Variants in AGMO observed in about 807,000 individuals in gnomAD.
The protein encoded by AGMO is glyceryl-ether monooxygenase.
Under a neutral mutation model 60.2 loss-of-function variants are expected in AGMO, and 75 were observed. That is an observed-to-expected ratio of 1.25 (90% CI 1.03 to 1.51). The LOEUF is 1.51. Among genes scored for constraint, AGMO ranks in the 40% most tolerant of loss-of-function variants. The probability of loss-of-function intolerance (pLI) is 0.00; values close to 1 mark genes in which losing one functional copy is unlikely to be tolerated. For missense variants in AGMO, 763 were observed against 525.5 expected (o/e 1.45, Z -4.42); for synonymous variants, 261 against 177.1 (o/e 1.47, Z -3.76).
At chr7:15,316,354 G>T (rs1439300897) in intron 12 of AGMO, among the ~76,000 whole-genome samples, 1 of 152,130 alleles carries the variant, frequency 6.6e-6, no homozygotes, top group Non-Finnish European at 1.5e-5. Flanking sequence ...TGCCACAGTA[G>T]AGGAACTCCA....
chr7:15,544,390 A>G (rs892360867), intron 3 of AGMO, among the ~76,000 whole-genome samples: 1 of 152,100 alleles, frequency 6.6e-6, no homozygotes, highest in Non-Finnish European at 1.5e-5. Context: ...AACACAAACA[A>G]AAAAACCTTT....
At position 15,546,057 on chromosome 7, in the gene AGMO, A is replaced by T. The variant is rs564543865; in HGVS notation, c.258-1134T>A. Reference sequence around the variant, plus strand: ...TTACAGTATTTCCCTTCACAGAGTCAGTTTCTGTGAATTAGCATTTTACTG... The same window carrying T: ...TTACAGTATTTCCCTTCACAGAGTCTGTTTCTGTGAATTAGCATTTTACTG... On this transcript the variant is annotated intron_variant, in intron 2 of 12. Transcript: ENST00000342526. Among the ~76,000 whole-genome samples, 4 of 152,218 alleles carry T rather than the reference A, an allele frequency of 2.6e-5. No individual in the cohort carries two copies. The South Asian group carries it at 8.3e-4, about 32-fold the overall frequency.
intron 12 of AGMO, among the ~76,000 whole-genome samples, chr7:15,209,778 TGAGA>T (rs1020583606): frequency 1.4e-3 from 212 of 152,310 alleles, no homozygotes; most frequent in African/African-American, 4.9e-3. Context: ...GCTGCTTTCC[TGAGA>T]GACACCTCAG....
intron 12 of AGMO, among the ~76,000 whole-genome samples, chr7:15,357,591 C>G (rs942930336): frequency 2.0e-5 from 3 of 152,192 alleles, no homozygotes; most frequent in African/African-American, 7.2e-5. Flanking sequence ...TATATAGAGT[C>G]TCTGAGCCTA....
intron 12 of AGMO, among the ~76,000 whole-genome samples, chr7:15,265,970 A>G (rs1285904435): frequency 6.6e-6 from 1 of 152,104 alleles, no homozygotes; most frequent in Non-Finnish European, 1.5e-5. Flanking sequence ...ATACATTCTG[A>G]TGTATGCTAC....
the AGMO span, among the ~76,000 whole-genome samples, chr7:15,165,038 T>C: frequency 3.3e-5 from 5 of 152,144 alleles, no homozygotes; most frequent in Non-Finnish European, 7.3e-5. Context: ...GCATACACTA[T>C]GGAATACTAC....
At chr7:15,146,550 T>C in the AGMO span, among the ~76,000 whole-genome samples, 1 of 152,114 alleles carries the variant, frequency 6.6e-6, no homozygotes, top group African/African-American at 2.4e-5. Context: ...CAAAGTACTC[T>C]TTGTTAAAAT....
chr7:15,204,149 G>A (rs564197949), intron 12 of AGMO, among the ~76,000 whole-genome samples: 4 of 152,084 alleles, frequency 2.6e-5, no homozygotes, highest in African/African-American at 9.6e-5. Flanking sequence ...TAGAATATAT[G>A]TGTTTATATA....
the AGMO span, among the ~76,000 whole-genome samples, chr7:15,119,346 A>AT: frequency 9.2e-5 from 14 of 152,008 alleles, no homozygotes; most frequent in Non-Finnish European, 1.9e-4. Context: ...TGAGCCAATT[A>AT]AACCTCTTTT....
intron 3 of AGMO, among the ~76,000 whole-genome samples, chr7:15,445,250 T>C (rs1212292058): frequency 6.6e-6 from 1 of 152,118 alleles, no homozygotes; most frequent in Non-Finnish European, 1.5e-5. Context: ...AGGTCAATAA[T>C]AATGTGTAAG....
At chr7:15,204,955 G>T (rs1583290088) in intron 12 of AGMO, among the ~76,000 whole-genome samples, 1 of 152,182 alleles carries the variant, frequency 6.6e-6, no homozygotes, top group African/African-American at 2.4e-5. Flanking sequence ...AGCCTCCCTA[G>T]TTGGGCCTAT....
intron 12 of AGMO, among the ~76,000 whole-genome samples, chr7:15,336,535 G>A (rs1278414749): frequency 1.3e-5 from 2 of 152,060 alleles, no homozygotes; most frequent in Non-Finnish European, 2.9e-5. Flanking sequence ...TTGAATAGAA[G>A]ATATTTTACA....
chr7:15,338,140 T>C (rs866539410), intron 12 of AGMO, among the ~76,000 whole-genome samples: 2 of 152,216 alleles, frequency 1.3e-5, no homozygotes, highest in African/African-American at 4.8e-5. Context: ...ATGTTTTCTC[T>C]GTGTAATATT....
At chr7:15,548,889 G>A (rs1302939079) in intron 2 of AGMO, among the ~76,000 whole-genome samples, 2 of 151,656 alleles carry the variant, frequency 1.3e-5, no homozygotes, top group African/African-American at 4.9e-5. Flanking sequence ...TTGAAATGAA[G>A]GAAAAAATGT....
chr7:15,216,498 T>C (rs1781741639), intron 12 of AGMO, among the ~76,000 whole-genome samples: 1 of 152,118 alleles, frequency 6.6e-6, no homozygotes, highest in Non-Finnish European at 1.5e-5. Context: ...TATTAAACTT[T>C]CACGGTCAAA....
At chr7:15,211,693 T>A (rs1201228749) in intron 12 of AGMO, among the ~76,000 whole-genome samples, 1 of 152,062 alleles carries the variant, frequency 6.6e-6, no homozygotes, top group East Asian at 1.9e-4. Flanking sequence ...ATTACCAAAC[T>A]ACTGTTTTGT....
chr7:15,322,527 AATATATAAATAT>A (rs1563086166), intron 12 of AGMO, among the ~76,000 whole-genome samples: 7 of 54,922 alleles, frequency 1.3e-4, no homozygotes, highest in African/African-American at 3.3e-4. Context: ...AATATATATA[AATATATAAATAT>A]ATATATAAAT....
At chr7:15,353,555 G>C (rs898682754) in intron 12 of AGMO, among the ~76,000 whole-genome samples, 6 of 151,800 alleles carry the variant, frequency 4.0e-5, no homozygotes, top group African/African-American at 1.5e-4. Context: ...TCAACTAAAA[G>C]AAAAAAGAAA....
chr7:15,352,519 G>A (rs889254944), intron 12 of AGMO, among the ~76,000 whole-genome samples: 1 of 151,520 alleles, frequency 6.6e-6, no homozygotes, highest in Non-Finnish European at 1.5e-5. Flanking sequence ...GGAACTGGGC[G>A]TTTGGGTGTT....
Sources: allele counts gnomAD v4.1 joint callset (sites outside exome capture counted in the v4.1 genomes callset), GRCh38; gene constraint gnomAD v4.1.1; transcripts MANE v1.5; gene names NCBI Gene and HGNC (gene_info 2026-07-23, HGNC 2026-07-21).